The following LAMA1 variants were observed in gnomAD, a reference collection of about 807,000 sequenced individuals.
The protein encoded by LAMA1 is laminin subunit alpha-1.
A neutral mutation model predicts 348.7 loss-of-function variants in LAMA1; 219 were observed. The ratio of observed to expected loss-of-function variants is 0.63; its 90% CI spans 0.56 to 0.70. LAMA1 has a LOEUF of 0.70. Among genes scored for constraint, LAMA1 ranks in the 30% least tolerant of loss-of-function variants. LAMA1 has a pLI of 0.00. For missense variants in LAMA1, 3,744 were observed against 3,888.0 expected (o/e 0.96, Z 0.99); for synonymous variants, 1,487 against 1,491.0 (o/e 1.00, Z 0.06).
intron 1 of LAMA1, among the ~76,000 whole-genome samples, chr18:7,087,418 G>C (rs1039229718): frequency 6.6e-6 from 1 of 152,184 alleles, no homozygotes; most frequent in Non-Finnish European, 1.5e-5. Context: ...ACGCCATCTT[G>C]GCTCAGGAAG....
Position 7,009,282 on chromosome 18 carries a change from T to G in LAMA1, c.3958A>C (p.Ile1320Leu). ...TGACCATACGATGCCTTGATGAGGATGTACTCAATATCGCTGAGGACAGAC... is the reference window on the plus strand; with the variant it reads ...TGACCATACGATGCCTTGATGAGGAGGTACTCAATATCGCTGAGGACAGAC... ...FMSVLSDIEY[I>L]LIKASYGQGL... The change falls in exon 27 of 63, where the codon ATC becomes CTC. Residue 1320 changes from isoleucine to leucine, a missense_variant. This residue lies in a region of LAMA1 where 1,983 missense variants were observed against 1,934.3 expected (regional missense o/e 1.03). Coordinates refer to ENST00000389658, the MANE Select transcript of LAMA1 (RefSeq NM_005559.4). The G allele has an allele frequency of 6.2e-7, 1 of 1,614,104 alleles. No homozygotes were observed. Among genetic ancestry groups the G allele is most frequent in the Non-Finnish European group, 8.5e-7 (1 of 1,179,954 alleles).
At position 6,956,650 on chromosome 18, in the gene LAMA1, G is replaced by T. The variant is rs759687114; in HGVS notation, c.8080C>A (p.Pro2694Thr). 1 of 1,614,154 alleles carries T rather than the reference G, an allele frequency of 6.2e-7. No homozygotes were observed. The highest frequency in any genetic ancestry group is 1.1e-5 in the South Asian group (1 of 91,090). The change falls in exon 56 of 63, where the codon CCC becomes ACC. Residue 2694 changes from proline to threonine, a missense_variant. By Grantham distance (38) the Pro-to-Thr change is conservative. Transcript: ENST00000389658. ...DAEDSKLLPE[P>T]RAFPEQCVVD... ...GCCGCTCCTACTGGAAAAGCCCGGGGCTCTGGCAAGAGCTTGCTGTCCTCT... is the reference window on the plus strand; with the variant it reads ...GCCGCTCCTACTGGAAAAGCCCGGGTCTCTGGCAAGAGCTTGCTGTCCTCT...
chr18:6,964,095 A>C (rs1458976180), intron 51 of LAMA1: 1 of 158,434 alleles, frequency 6.3e-6, no homozygotes, highest in African/African-American at 2.4e-5. Flanking sequence ...TATGACAGCA[A>C]GTAGGGTCTC....
At chr18:6,968,751 A>G (rs1457132053) in intron 48 of LAMA1, among the ~76,000 whole-genome samples, 2 of 152,234 alleles carry the variant, frequency 1.3e-5, no homozygotes, top group African/African-American at 4.8e-5. Context: ...CCCCATGTAC[A>G]AGTGTAATAA....
At chr18:7,112,118 G>GT (rs1308385557) in intron 1 of LAMA1, among the ~76,000 whole-genome samples, 1 of 152,012 alleles carries the variant, frequency 6.6e-6, no homozygotes, top group African/African-American at 2.4e-5. Flanking sequence ...TAATACTATA[G>GT]TAAACAATAC....
At chr18:7,039,851 T>C (rs1012931851) in intron 10 of LAMA1, among the ~76,000 whole-genome samples, 1 of 152,072 alleles carries the variant, frequency 6.6e-6, no homozygotes, top group Non-Finnish European at 1.5e-5. Flanking sequence ...GCCTCTGGAA[T>C]ATATCACCAT....
chr18:7,094,426 CAAAAAA>C (rs1194222301), intron 1 of LAMA1, among the ~76,000 whole-genome samples: 6 of 63,416 alleles, frequency 9.5e-5, no homozygotes, highest in South Asian at 6.5e-4. Flanking sequence ...GACTCCGTCT[CAAAAAA>C]AAAAAAAAAA....
At chr18:7,094,284 C>T (rs977243836) in intron 1 of LAMA1, among the ~76,000 whole-genome samples, 1 of 151,648 alleles carries the variant, frequency 6.6e-6, no homozygotes, top group Non-Finnish European at 1.5e-5. Flanking sequence ...ATGAGCCGCG[C>T]GTGGTGGCAA....
At chr18:7,063,124 T>C (rs2058109105) in intron 3 of LAMA1, among the ~76,000 whole-genome samples, 1 of 152,176 alleles carries the variant, frequency 6.6e-6, no homozygotes, top group Admixed American at 6.5e-5. Flanking sequence ...TTTCTTTCCT[T>C]TGGGCCCTAA....
At chr18:7,044,967 A>G in intron 6 of LAMA1, 128 bp from the exon 7 acceptor site, 1 of 772,724 alleles carries the variant, frequency 1.3e-6, no homozygotes, top group Non-Finnish European at 2.3e-6. Flanking sequence ...TATGATTATC[A>G]TCAAAGCAAA....
At chr18:7,031,535 A>T (rs1476117272) in intron 16 of LAMA1, among the ~76,000 whole-genome samples, 2 of 148,764 alleles carry the variant, frequency 1.3e-5, no homozygotes, top group Non-Finnish European at 2.9e-5. Flanking sequence ...ATCATGATTT[A>T]AAAAAAATAC....
intron 13 of LAMA1, among the ~76,000 whole-genome samples, chr18:7,035,429 T>A (rs2483370): frequency 0.11 from 16,441 of 149,960 alleles, 989 homozygotes; most frequent in Middle Eastern, 0.17. Flanking sequence ...TACTTAAAAT[T>A]TTTTTTTTTT....
intron 3 of LAMA1, among the ~76,000 whole-genome samples, chr18:7,057,223 T>C (rs968174929): frequency 6.6e-6 from 1 of 152,022 alleles, no homozygotes; most frequent in Non-Finnish European, 1.5e-5. Context: ...TTTCCCCCCA[T>C]TACAGATGAG....
Position 7,040,165 on chromosome 18 carries a change from A to G in LAMA1, c.1333T>C (p.Tyr445His), listed in dbSNP as rs1450537956. ...GAGACACAGGTCGGGTAATCCTTATAGCCAAGTTGGCAGCGATCACATTTT... is the reference window on the plus strand; with the variant it reads ...GAGACACAGGTCGGGTAATCCTTATGGCCAAGTTGGCAGCGATCACATTTT... ...GEKCDRCQLG[Y>H]KDYPTCVSCG... The change falls in exon 10 of 63, where the codon TAT becomes CAT. Residue 445 changes from tyrosine to histidine, a missense_variant. Tyr to His is a moderately conservative substitution (Grantham distance 83, BLOSUM62 2). Around this residue, in one of 3 missense-constraint regions of LAMA1, gnomAD observed 1,529 missense variants for 1,689.4 expected, o/e 0.91. Coordinates refer to ENST00000389658, the MANE Select transcript of LAMA1 (RefSeq NM_005559.4). 2 of 1,614,108 alleles carry G rather than the reference A, an allele frequency of 1.2e-6. No individual in the cohort carries two copies. The highest frequency in any genetic ancestry group is 2.2e-5 in the East Asian group (1 of 44,856).
rs1045578289 is a variant in LAMA1 at position 7,008,402 on chromosome 18, T to A, written c.4122+86A>T. On this transcript the variant is annotated intron_variant, in intron 28 of 62. Transcript: ENST00000389658. ...AAAAAAATGATATAGTAGATACACA[T>A]AAGTTCTGTTCATCTCTGGGAGTTG... is the stretch of plus-strand genomic sequence containing the variant. 1.0e-4 allele frequency: 148 copies of A among 1,481,942 alleles called. 1 individual carries two copies. In the African/African-American group the frequency reaches 1.8e-3, roughly 18 times the overall value. 91.8% of individuals were successfully genotyped at this position (1,481,942 alleles called of 1,614,324 possible).
At position 7,036,023 on chromosome 18, in the gene LAMA1, G is replaced by C; in HGVS notation, c.1803C>G (p.Asp601Glu). 1 of 1,614,176 alleles carries C rather than the reference G, an allele frequency of 6.2e-7. No individual in the cohort carries two copies. Residue 601 changes from aspartate (D) to glutamate (E), a missense_variant, in exon 13 of 63, where the codon GAC becomes GAG. Transcript: ENST00000389658. ...CGTCAGCATGCGACATGAGGTTACT[G>C]TCTACCGTCTCTACCGGAATATCGT... ...VSYDIPVETV[D>E]SNLMSHADVI...
intron 1 of LAMA1, among the ~76,000 whole-genome samples, chr18:7,105,416 G>A (rs1181201500): frequency 6.6e-6 from 1 of 151,676 alleles, no homozygotes; most frequent in Non-Finnish European, 1.5e-5. Flanking sequence ...TCGAGCCTCG[G>A]CGACAGAGTG....
intron 29 of LAMA1, among the ~76,000 whole-genome samples, chr18:7,005,275 A>G (rs937348000): frequency 1.3e-5 from 2 of 151,972 alleles, no homozygotes; most frequent in Non-Finnish European, 2.9e-5. Flanking sequence ...GGTTTATCTC[A>G]ACAGCTCCAA....
chr18:6,995,614 C>T (rs190645544), intron 33 of LAMA1, among the ~76,000 whole-genome samples, 168 bp from the exon 34 acceptor site: 214 of 152,154 alleles, frequency 1.4e-3, no homozygotes, highest in African/African-American at 4.9e-3. Flanking sequence ...TCGATTATAG[C>T]GACATGATTC....
Sources: gnomAD v4.1 joint callset for allele counts (sites outside exome capture counted in the v4.1 genomes callset) on GRCh38, gnomAD v4.1.1 for gene constraint, gnomAD v4.1.1 regional missense constraint, MANE v1.5 for transcripts, NCBI Gene and HGNC (gene_info 2026-07-23, HGNC 2026-07-21) for gene names.